Variants in IFT57 observed in about 807,000 individuals in gnomAD.
IFT57 encodes intraflagellar transport 57.
Under a neutral mutation model 56.8 loss-of-function variants are expected in IFT57, and 59 were observed. The observed-to-expected ratio is 1.04, with a 90% confidence interval of 0.84 to 1.29. The LOEUF is 1.29. IFT57 is among the 50% of genes most tolerant of loss of function. The pLI, the probability that IFT57 is intolerant of heterozygous loss-of-function variation, is 0.00. For missense variants in IFT57, 470 were observed against 522.1 expected, an observed-to-expected ratio of 0.90 and a Z score of 0.97; for synonymous variants, 209 against 186.1, an observed-to-expected ratio of 1.12 and a Z score of -1.00.
chr3:108,190,471 A>G (rs1334360239), intron 6 of IFT57, among the ~76,000 whole-genome samples: 3 of 152,120 alleles, frequency 2.0e-5, no homozygotes, highest in Non-Finnish European at 4.4e-5. Context: ...TGGTTTTATA[A>G]TTGTCTGGCA....
chr3:108,174,344 TG>T (rs1560104592), intron 6 of IFT57, among the ~76,000 whole-genome samples: 3 of 150,694 alleles, frequency 2.0e-5, no homozygotes, highest in Non-Finnish European at 4.4e-5. Context: ...TGTGTCAAAA[TG>T]AAGAAGAAGA....
chr3:108,168,393 A>C (rs980517990), intron 6 of IFT57, among the ~76,000 whole-genome samples: 1 of 152,110 alleles, frequency 6.6e-6, no homozygotes, highest in Non-Finnish European at 1.5e-5. Context: ...ACTGATCTGA[A>C]TTAGTGTGCA....
chr3:108,178,396 G>T (rs2080135177), intron 6 of IFT57, among the ~76,000 whole-genome samples: 1 of 151,736 alleles, frequency 6.6e-6, no homozygotes, highest in South Asian at 2.1e-4. Context: ...TAAAACATAA[G>T]TATTAGCCAC....
chr3:108,216,877 A>T (rs1303936520), intron 3 of IFT57, among the ~76,000 whole-genome samples: 1 of 152,176 alleles, frequency 6.6e-6, no homozygotes, highest in Non-Finnish European at 1.5e-5. Flanking sequence ...GCACAGAAAG[A>T]CAAATATCAT....
chr3:108,178,021 A>G (rs2080133274), intron 6 of IFT57, among the ~76,000 whole-genome samples: 1 of 151,964 alleles, frequency 6.6e-6, no homozygotes. Flanking sequence ...AAAAAATTGT[A>G]TTTCTATATA....
At chr3:108,207,803 G>A (rs1240471546) in intron 4 of IFT57, among the ~76,000 whole-genome samples, 3 of 152,120 alleles carry the variant, frequency 2.0e-5, no homozygotes, top group African/African-American at 4.8e-5. Context: ...CAGCACTTTG[G>A]GAGGCCGAGG....
At chr3:108,192,518 T>C (rs1235870353) in intron 5 of IFT57, among the ~76,000 whole-genome samples, 1 of 152,094 alleles carries the variant, frequency 6.6e-6, no homozygotes, top group African/African-American at 2.4e-5. Flanking sequence ...GCATTAAGTA[T>C]GTATGGATCT....
chr3:108,193,925 A>G (rs1349600084), intron 5 of IFT57, among the ~76,000 whole-genome samples: 3 of 152,180 alleles, frequency 2.0e-5, no homozygotes, highest in Non-Finnish European at 2.9e-5. Flanking sequence ...CACAGGATAG[A>G]CTAATGGGGG....
At position 108,166,882 on chromosome 3, in the gene IFT57, T is replaced by G; in HGVS notation, c.953A>C (p.Tyr318Ser). 6.2e-7 allele frequency: 1 copy of G among 1,611,692 alleles called. No individual in the cohort carries two copies. Among genetic ancestry groups the G allele is most frequent in the Non-Finnish European group, 8.5e-7 (1 of 1,178,624 alleles). ...NNQLENLVQEYRAAQAQLSEA... is the reference protein window; with the variant it reads ...NNQLENLVQESRAAQAQLSEA... Reference sequence around the variant, plus strand: ...ACTCAGCTGGGCTTGAGCTGCACGATATTCTTGAACCAAATTCTCAAGCTG... The same window carrying G: ...ACTCAGCTGGGCTTGAGCTGCACGAGATTCTTGAACCAAATTCTCAAGCTG... Residue 318 changes from tyrosine to serine, a missense_variant, in exon 8 of 11, where the codon TAT becomes TCT. Physicochemically the swap from Tyr to Ser is moderately radical, Grantham distance 144 (BLOSUM62 -2). Coordinates refer to ENST00000264538, the MANE Select transcript of IFT57 (RefSeq NM_018010.4).
chr3:108,168,069 T>G (rs189290418), intron 6 of IFT57, among the ~76,000 whole-genome samples: 1 of 152,098 alleles, frequency 6.6e-6, no homozygotes, highest in East Asian at 1.9e-4. Flanking sequence ...GTAAATTATT[T>G]CACGTGTTCA....
intron 5 of IFT57, among the ~76,000 whole-genome samples, chr3:108,204,154 T>C (rs778220542): frequency 6.6e-6 from 1 of 152,166 alleles, no homozygotes; most frequent in Non-Finnish European, 1.5e-5. Context: ...CTCAGGCAGA[T>C]GGCTTTAGTG....
At chr3:108,192,155 A>G (rs1035356724) in intron 5 of IFT57, among the ~76,000 whole-genome samples, 2 of 131,082 alleles carry the variant, frequency 1.5e-5, no homozygotes, top group African/African-American at 3.0e-5. Flanking sequence ...AGCCTGGGTG[A>G]CAGAGCGAGA....
At position 108,169,108 on chromosome 3, in the gene IFT57, C is replaced by T. The variant is rs551104439; in HGVS notation, c.778-1244G>A. On this transcript the variant is annotated intron_variant, in intron 6 of 10. Transcript: ENST00000264538. Reference sequence around the variant, plus strand: ...ATGGTTGAACTAATTTACACTCCCACCAACAGTGTAAAAGTGTTCCTATTC... The same window carrying T: ...ATGGTTGAACTAATTTACACTCCCATCAACAGTGTAAAAGTGTTCCTATTC... 2.6e-5 allele frequency among the ~76,000 whole-genome samples: 4 copies of T among 152,164 alleles called. No individual in the cohort carries two copies. The South Asian group carries it at 8.3e-4, about 32-fold the overall frequency.
Position 108,162,565 on chromosome 3 carries a change from A to C in IFT57, c.1202T>G (p.Leu401Arg), listed in dbSNP as rs1312778231. Residue 401 changes from leucine (L) to arginine (R), a missense_variant, in exon 11 of 11, where the codon CTA becomes CGA. Transcript: ENST00000264538. ...CTTCTCCTTCAGCTTTGATTGGAGT[A>C]GTGTGTGTTCCACAATGCCAATTCT... Reference protein sequence around the residue: ...DIRIGIVEHTLLQSKLKEKSN... With the variant: ...DIRIGIVEHTRLQSKLKEKSN... 1.2e-6 allele frequency: 2 copies of C among 1,613,190 alleles called. No homozygotes were observed. Among genetic ancestry groups the C allele is most frequent in the East Asian group, 4.5e-5 (2 of 44,842 alleles).
chr3:108,216,401 C>T (rs1169892282), intron 3 of IFT57, among the ~76,000 whole-genome samples: 5 of 152,062 alleles, frequency 3.3e-5, no homozygotes, highest in Admixed American at 2.0e-4. Flanking sequence ...ATCAGGGAAA[C>T]GCAAATCAAA....
intron 6 of IFT57, among the ~76,000 whole-genome samples, chr3:108,177,026 T>C (rs2080128020): frequency 6.6e-6 from 1 of 151,766 alleles, no homozygotes; most frequent in Non-Finnish European, 1.5e-5. Flanking sequence ...GAGCCCAAAG[T>C]TGCAATGACC....
intron 6 of IFT57, among the ~76,000 whole-genome samples, chr3:108,184,863 G>A (rs193164266): frequency 5.3e-5 from 8 of 152,220 alleles, no homozygotes; most frequent in African/African-American, 1.7e-4. Flanking sequence ...ATATCTTCAA[G>A]TATTTTTCAT....
intron 6 of IFT57, among the ~76,000 whole-genome samples, chr3:108,173,071 T>C (rs1278679188): frequency 1.3e-5 from 2 of 151,870 alleles, no homozygotes; most frequent in Non-Finnish European, 2.9e-5. Flanking sequence ...CAAAGATTAA[T>C]GTACAAGTTA....
At chr3:108,210,737 G>C (rs1391759959) in intron 4 of IFT57, among the ~76,000 whole-genome samples, 6 of 152,046 alleles carry the variant, frequency 3.9e-5, no homozygotes, top group Non-Finnish European at 8.8e-5. Context: ...TTAAAGAGAG[G>C]AGTAGAAGTA....
Sources: allele counts gnomAD v4.1 joint callset (sites outside exome capture counted in the v4.1 genomes callset), GRCh38; gene constraint gnomAD v4.1.1; transcripts MANE v1.5; gene names NCBI Gene and HGNC (gene_info 2026-07-23, HGNC 2026-07-21).